The following FGD4 variants were observed in gnomAD, a reference collection of about 807,000 sequenced individuals.
FGD4 encodes the protein FYVE, RhoGEF and PH domain-containing protein 4.
In FGD4, 42 loss-of-function variants were observed where a neutral mutation model predicts 102.0. The ratio of observed to expected loss-of-function variants is 0.41; its 90% CI spans 0.32 to 0.53. FGD4 has a LOEUF of 0.53. FGD4 is among the 20% of genes least tolerant of loss of function. The pLI, the probability that FGD4 is intolerant of heterozygous loss-of-function variation, is 0.21. For synonymous variants in FGD4, 380 were observed against 375.7 expected, an observed-to-expected ratio of 1.01 and a Z score of -0.13; for missense variants, 902 against 1,078.2, an observed-to-expected ratio of 0.84 and a Z score of 2.29.
At chr12:32,538,385 A>G (rs1018286416) in intron 1 of FGD4, among the ~76,000 whole-genome samples, 2 of 152,218 alleles carry the variant, frequency 1.3e-5, no homozygotes, top group African/African-American at 4.8e-5. Context: ...GAGCAGGAAT[A>G]TAAGAAGTTT....
intron 7 of FGD4, among the ~76,000 whole-genome samples, chr12:32,606,317 A>G (rs982190177): frequency 6.6e-6 from 1 of 152,052 alleles, no homozygotes; most frequent in African/African-American, 2.4e-5. Flanking sequence ...CTAAAGCCAC[A>G]CTGCAGTAGA....
chr12:32,575,139 A>G (rs1031979629), intron 2 of FGD4, among the ~76,000 whole-genome samples: 6 of 152,214 alleles, frequency 3.9e-5, no homozygotes, highest in African/African-American at 1.2e-4. Context: ...TGAAGGACTT[A>G]TGAAGAAAGT....
At chr12:32,400,427 G>A (rs181706549) in intron 1 of FGD4, among the ~76,000 whole-genome samples, 2 of 152,142 alleles carry the variant, frequency 1.3e-5, no homozygotes, top group Non-Finnish European at 2.9e-5. Context: ...TTAAAGGGAC[G>A]CTTGACTCCC....
intron 1 of FGD4, among the ~76,000 whole-genome samples, chr12:32,516,297 A>G (rs1939870597): frequency 6.6e-6 from 1 of 152,038 alleles, no homozygotes; most frequent in African/African-American, 2.4e-5. Flanking sequence ...GTGCGCCACC[A>G]TGCCTGGCTA....
At chr12:32,427,874 A>G (rs1316750772) in intron 1 of FGD4, among the ~76,000 whole-genome samples, 1 of 152,186 alleles carries the variant, frequency 6.6e-6, no homozygotes, top group African/African-American at 2.4e-5. Flanking sequence ...ATCAGAGACT[A>G]GGATTGCAAC....
chr12:32,570,196 G>A (rs982227198), intron 2 of FGD4, among the ~76,000 whole-genome samples: 8 of 139,414 alleles, frequency 5.7e-5, no homozygotes, highest in East Asian at 4.3e-4. Flanking sequence ...AGCTGAGATC[G>A]CGCCATTGCA....
intron 1 of FGD4, among the ~76,000 whole-genome samples, chr12:32,508,408 G>A (rs570420713): frequency 6.6e-6 from 1 of 152,232 alleles, no homozygotes; most frequent in East Asian, 1.9e-4. Context: ...CAAGGCAGCT[G>A]GAATTCTCTT....
chr12:32,474,087 CA>C (rs34520473), intron 1 of FGD4, among the ~76,000 whole-genome samples: 55 of 132,998 alleles, frequency 4.1e-4, no homozygotes, highest in East Asian at 1.5e-3. Context: ...GACTCTGTCT[CA>C]AAAAAAAAAA....
chr12:32,586,049 A>G (rs7308071), intron 4 of FGD4, among the ~76,000 whole-genome samples: 63,991 of 151,660 alleles, frequency 0.42, 15,011 homozygotes, highest in African/African-American at 0.63. Flanking sequence ...CTGCATTTGG[A>G]GGAATATTTC....
At chr12:32,510,403 G>A (rs907409055) in intron 1 of FGD4, among the ~76,000 whole-genome samples, 3 of 151,898 alleles carry the variant, frequency 2.0e-5, no homozygotes, top group Non-Finnish European at 4.4e-5. Flanking sequence ...AATACTAGAG[G>A]GAATTACTAG....
At chr12:32,569,907 A>G (rs938238349) in intron 2 of FGD4, among the ~76,000 whole-genome samples, 3 of 152,188 alleles carry the variant, frequency 2.0e-5, no homozygotes, top group African/African-American at 4.8e-5. Context: ...TTGTGTTCAC[A>G]TTGCTTCATA....
chr12:32,521,045 G>A (rs1263674619), intron 1 of FGD4, among the ~76,000 whole-genome samples: 4 of 152,186 alleles, frequency 2.6e-5, no homozygotes, highest in Non-Finnish European at 1.5e-5. Context: ...CAATGTGCAT[G>A]GGAGCCATAA....
chr12:32,546,125 G>T (rs1302907910), intron 1 of FGD4, among the ~76,000 whole-genome samples: 1 of 152,216 alleles, frequency 6.6e-6, no homozygotes, highest in African/African-American at 2.4e-5. Context: ...TGTGTGGCCA[G>T]TAGACTCTTT....
In FGD4 at chr12:32,544,647, T is replaced by A. The variant is rs565061685; in HGVS notation, c.167-19490T>A. 6.6e-6 allele frequency among the ~76,000 whole-genome samples: 1 copy of A among 151,640 alleles called. No individual in the cohort carries two copies. Among genetic ancestry groups the A allele is most frequent in the South Asian group, 2.1e-4 (1 of 4,794 alleles). On this transcript the variant is annotated intron_variant, in intron 1 of 16. Transcript: ENST00000534526. This position sits in a 1 kb window ranked among gnomAD's most constrained non-coding sequence, Gnocchi z 4.1. ...ACTCAGGAGGCTGAGGCTAGAGGAC[T>A]GCTTGAGCCAGGAAGTGGAGGTTGC...
chr12:32,519,439 A>T lies in FGD4; in HGVS notation c.167-44698A>T, dbSNP rs541565621. Among the ~76,000 whole-genome samples the T allele has an allele frequency of 5.5e-4, 84 of 152,238 alleles. 2 individuals carry two copies. In the South Asian group the frequency reaches 0.016, roughly 29 times the overall value. ...TTTTATTTTTAAAATCTTATTTTTT[A>T]AAAAACTTATTTCTGCAAGTACACT... On this transcript the variant is annotated intron_variant, in intron 1 of 16. Transcript: ENST00000534526.
intron 1 of FGD4, among the ~76,000 whole-genome samples, chr12:32,534,964 GAGTA>G (rs1453712265): frequency 2.6e-5 from 4 of 152,174 alleles, no homozygotes; most frequent in Non-Finnish European, 5.9e-5. Flanking sequence ...AAGTTCAGGG[GAGTA>G]AGTATTATTT....
intron 1 of FGD4, among the ~76,000 whole-genome samples, chr12:32,427,657 TG>T (rs1231673258): frequency 6.6e-6 from 1 of 152,132 alleles, no homozygotes; most frequent in Non-Finnish European, 1.5e-5. Flanking sequence ...ATATTGACAG[TG>T]GGGTGTTAAA....
At chr12:32,414,021 G>A (rs908989017) in intron 1 of FGD4, among the ~76,000 whole-genome samples, 11 of 150,258 alleles carry the variant, frequency 7.3e-5, no homozygotes, top group Non-Finnish European at 1.5e-4. Flanking sequence ...CACCAGGCTG[G>A]AGTGCAATGG....
intron 1 of FGD4, among the ~76,000 whole-genome samples, chr12:32,432,535 C>T (rs58007333): frequency 7.4e-5 from 11 of 149,250 alleles, no homozygotes; most frequent in Non-Finnish European, 1.2e-4. Context: ...ACCCAGGAGG[C>T]GGAGGTTGCA....
Sources: allele counts gnomAD v4.1 joint callset (sites outside exome capture counted in the v4.1 genomes callset), GRCh38; gene constraint gnomAD v4.1.1; non-coding constraint Gnocchi (gnomAD v3.1); transcripts MANE v1.5; gene names NCBI Gene and HGNC (gene_info 2026-07-23, HGNC 2026-07-21).